Variants in VWA3B observed in about 807,000 individuals in gnomAD.
VWA3B encodes von Willebrand factor A domain containing 3B, also known as von Willebrand factor A domain-containing protein 3B.
In VWA3B, 138 loss-of-function variants were observed where a neutral mutation model predicts 158.3. That is an observed-to-expected ratio of 0.87 (90% confidence interval 0.76 to 1.00). VWA3B has a LOEUF of 1.00. VWA3B is among the 50% of genes least tolerant of loss of function. The pLI, the probability that VWA3B is intolerant of heterozygous loss-of-function variation, is 0.00. For missense variants in VWA3B, 1,555 were observed against 1,565.1 expected (o/e 0.99, Z 0.11); for synonymous variants, 596 against 587.3 (o/e 1.01, Z -0.21).
chr2:98,192,819 T>C, intron 10 of VWA3B, 79 bp from the exon 11 acceptor site: 1 of 1,587,934 alleles, frequency 6.3e-7, no homozygotes, highest in Non-Finnish European at 8.6e-7. Context: ...CCTCTGCAGA[T>C]GCATCGTTAA....
At chr2:98,244,553 A>G (rs919028650) in intron 19 of VWA3B, among the ~76,000 whole-genome samples, 1 of 152,194 alleles carries the variant, frequency 6.6e-6, no homozygotes, top group South Asian at 2.1e-4. Context: ...CCAAACAATT[A>G]TGTTTTATAA....
chr2:98,123,696 G>A (rs1239891213), intron 5 of VWA3B, among the ~76,000 whole-genome samples: 1 of 152,114 alleles, frequency 6.6e-6, no homozygotes, highest in African/African-American at 2.4e-5. Context: ...TGGTGGTTGA[G>A]GGGGTTGACA....
downstream of VWA3B, among the ~76,000 whole-genome samples, chr2:98,317,120 A>G (rs1263648070): frequency 1.3e-5 from 2 of 152,190 alleles, no homozygotes; most frequent in Admixed American, 6.5e-5. Context: ...GTGCAAAACC[A>G]ATGCATGAAA....
In VWA3B at chr2:98,270,719, A is replaced by T. The variant is rs755022985; in HGVS notation, c.2881A>T (p.Lys961Ter). Residue 961 changes from lysine (K) to a stop codon, truncating the protein, a stop_gained, in exon 22 of 28, where the codon AAA becomes TAA. Coordinates refer to ENST00000477737, the MANE Select transcript of VWA3B (RefSeq NM_144992.5). LOFTEE classifies it high-confidence loss of function. ...ANKPIQYLENKTVLNQALERL... is the reference protein window; with the variant it reads ...ANKPIQYLEN ...CAAACCAATACAGTACTTGGAAAAC[A>T]AAACAGTTTTAAACCAGGCTTTAGA... 1 of 1,614,170 alleles carries T rather than the reference A, an allele frequency of 6.2e-7. No homozygotes were observed. The highest frequency in any genetic ancestry group is 1.1e-5 in the South Asian group (1 of 91,082).
intron 2 of VWA3B, among the ~76,000 whole-genome samples, chr2:98,095,246 T>C (rs1222311921): frequency 6.6e-6 from 1 of 152,222 alleles, no homozygotes; most frequent in Non-Finnish European, 1.5e-5. Context: ...TATTCATCTT[T>C]CCAATCTATG....
intron 23 of VWA3B, among the ~76,000 whole-genome samples, chr2:98,296,110 G>A (rs944501091): frequency 2.6e-5 from 4 of 152,250 alleles, no homozygotes; most frequent in African/African-American, 9.6e-5. Context: ...GGCTACACAG[G>A]CTCTGTCACA....
At chr2:98,261,591 A>G (rs1244282331) in intron 21 of VWA3B, among the ~76,000 whole-genome samples, 2 of 151,712 alleles carry the variant, frequency 1.3e-5, no homozygotes, top group Non-Finnish European at 3.0e-5. Context: ...GGACAGGTCT[A>G]CTAGTAACAA....
At chr2:98,317,683 T>A (rs1454766778), downstream of VWA3B, among the ~76,000 whole-genome samples, 1 of 152,212 alleles carries the variant, frequency 6.6e-6, no homozygotes, top group Non-Finnish European at 1.5e-5. Context: ...TTGTCCTGCC[T>A]TTCTGGAACG....
intron 22 of VWA3B, among the ~76,000 whole-genome samples, chr2:98,278,317 G>A (rs1426077886): frequency 1.3e-5 from 2 of 152,216 alleles, no homozygotes; most frequent in Admixed American, 6.5e-5. Context: ...TGGCCCCAAG[G>A]CAGCTTCTAG....
chr2:98,249,746 C>T (rs1409660411), intron 19 of VWA3B, among the ~76,000 whole-genome samples: 1 of 152,082 alleles, frequency 6.6e-6, no homozygotes, highest in Non-Finnish European at 1.5e-5. Context: ...GTGTAAGAAT[C>T]TCTTATCCGA....
intron 22 of VWA3B, among the ~76,000 whole-genome samples, chr2:98,276,383 T>C (rs532211444): frequency 4.6e-5 from 7 of 152,344 alleles, no homozygotes; most frequent in African/African-American, 1.7e-4. Flanking sequence ...GAAAAACGCA[T>C]CAGAGATGCA....
chr2:98,147,591 A>G (rs1677269274), intron 7 of VWA3B, among the ~76,000 whole-genome samples: 3 of 152,174 alleles, frequency 2.0e-5, no homozygotes, highest in South Asian at 2.1e-4. Context: ...TTAAAGTTCT[A>G]TATTAGAGTT....
intron 8 of VWA3B, among the ~76,000 whole-genome samples, chr2:98,174,696 A>G (rs1049701235): frequency 2.0e-5 from 3 of 152,184 alleles, no homozygotes; most frequent in Non-Finnish European, 4.4e-5. Context: ...AGGCAGGCAC[A>G]TGCACAGGGC....
At chr2:98,265,248 G>A (rs1428408773) in intron 21 of VWA3B, among the ~76,000 whole-genome samples, 1 of 143,532 alleles carries the variant, frequency 7.0e-6, no homozygotes, top group African/African-American at 2.6e-5. Flanking sequence ...CTGTGTCCAT[G>A]TGTTCTCATT....
At chr2:98,316,233 G>A (rs1691082665), downstream of VWA3B, among the ~76,000 whole-genome samples, 1 of 152,224 alleles carries the variant, frequency 6.6e-6, no homozygotes, top group Non-Finnish European at 1.5e-5. Context: ...GCAGTAGGCA[G>A]ATTTTTTCAC....
At chr2:98,089,123 T>C (rs1682086925) in intron 1 of VWA3B, among the ~76,000 whole-genome samples, 1 of 152,078 alleles carries the variant, frequency 6.6e-6, no homozygotes, top group Non-Finnish European at 1.5e-5. Context: ...ATATTAGCCT[T>C]ATTAACACTG....
chr2:98,187,662 G>C (rs1033364289), intron 9 of VWA3B, among the ~76,000 whole-genome samples: 9 of 96,918 alleles, frequency 9.3e-5, no homozygotes, highest in African/African-American at 3.7e-4. Flanking sequence ...CCGTCTCTGT[G>C]TCTGTGTGTG....
At chr2:98,116,591 T>C (rs1035176660) in intron 3 of VWA3B, among the ~76,000 whole-genome samples, 28 of 152,174 alleles carry the variant, frequency 1.8e-4, no homozygotes, top group African/African-American at 6.0e-4. Flanking sequence ...ACTGCAGCCT[T>C]GACCTCCCGG....
At chr2:98,151,942 A>C (rs1168595572) in intron 7 of VWA3B, among the ~76,000 whole-genome samples, 2 of 152,244 alleles carry the variant, frequency 1.3e-5, no homozygotes, top group African/African-American at 4.8e-5. Context: ...AGGATTTGGC[A>C]GCCTGTGTCA....
Sources: allele counts gnomAD v4.1 joint callset (sites outside exome capture counted in the v4.1 genomes callset), GRCh38; gene constraint gnomAD v4.1.1; transcripts MANE v1.5; gene names NCBI Gene and HGNC (gene_info 2026-07-23, HGNC 2026-07-21).